KIFC3: variants seen among roughly 807,000 people sequenced by gnomAD.
KIFC3 encodes the protein kinesin-like protein KIFC3.
In KIFC3, 60 loss-of-function variants were observed where a neutral mutation model predicts 101.8. The ratio of observed to expected loss-of-function variants is 0.59; its 90% CI spans 0.48 to 0.73. The LOEUF (loss-of-function observed/expected upper bound fraction) is 0.73, where lower values mean the gene tolerates loss of function less well. Among genes scored for constraint, KIFC3 ranks in the 30% least tolerant of loss-of-function variants. The pLI, the probability that KIFC3 is intolerant of heterozygous loss-of-function variation, is 0.00. For missense variants in KIFC3, 966 were observed against 1,137.1 expected (o/e 0.85, Z 2.16); for synonymous variants, 476 against 482.7 (o/e 0.99, Z 0.18).
At chr16:57,804,792 A>G (rs1427804850), upstream of KIFC3, among the ~76,000 whole-genome samples, 1 of 150,886 alleles carries the variant, frequency 6.6e-6, no homozygotes, top group Non-Finnish European at 1.5e-5. Flanking sequence ...GGGGTGTCTC[A>G]CTATGTTGCC....
intron 1 of KIFC3, among the ~76,000 whole-genome samples, chr16:57,812,378 C>A (rs911038854): frequency 1.8e-4 from 27 of 151,570 alleles, no homozygotes; most frequent in Admixed American, 8.6e-4. Flanking sequence ...GAGGTCAGGC[C>A]AGAGCTGCCT....
In KIFC3 at chr16:57,765,774, G is replaced by A. The variant is rs932723908; in HGVS notation, c.1331-134C>T. 2.3e-5 allele frequency: 17 copies of A among 736,358 alleles called. No individual in the cohort carries two copies. The South Asian group carries it at 3.2e-4, about 14-fold the overall frequency. 45.6% of individuals were successfully genotyped at this position (736,358 alleles called of 1,614,324 possible). On this transcript the variant is annotated intron_variant, in intron 10 of 19. Transcript: ENST00000445690. ...TTTAAGCACAGCCCCCTAGGGGAAG[G>A]GGGCCCACAAAGCTGTTATCCGTCA...
intron 19 of KIFC3, 45 bp from the exon 20 acceptor site, chr16:57,758,954 G>A (rs202202509): frequency 8.2e-5 from 127 of 1,544,342 alleles, no homozygotes; most frequent in Non-Finnish European, 6.6e-5. Flanking sequence ...CTTGCCCACC[G>A]GCAGCCCACA....
chr16:57,802,646 C>T (rs2054817520), upstream of KIFC3: 2 of 1,048,814 alleles, frequency 1.9e-6, no homozygotes, highest in African/African-American at 1.6e-5. This position sits in a 1 kb window ranked among gnomAD's most constrained non-coding sequence, Gnocchi z 5.0. Flanking sequence ...GGTCTCCCGC[C>T]GGCACTCCCA....
At position 57,759,713 on chromosome 16, in the gene KIFC3, C is replaced by A; in HGVS notation, c.2476+15G>T. The A allele has an allele frequency of 6.3e-7, 1 of 1,593,920 alleles. No homozygotes were observed. The highest frequency in any genetic ancestry group is 1.1e-5 in the South Asian group (1 of 88,618). The stretch of plus-strand genomic sequence containing the variant: ...CTGGGGAGACTCCCCACCCACACTG[C>A]CACTCCAGGCTCACCCGAGGGCTGC... On this transcript the variant is annotated intron_variant, in intron 18 of 19. Coordinates refer to ENST00000445690, the MANE Select transcript of KIFC3 (RefSeq NM_001130100.2).
intron 1 of KIFC3, among the ~76,000 whole-genome samples, chr16:57,860,096 A>ATAAAATAAAATAAAATAAAAT (rs2056272612): frequency 6.6e-6 from 1 of 150,470 alleles, no homozygotes; most frequent in Non-Finnish European, 1.5e-5. Flanking sequence ...ATAAAATAAA[A>ATAAAATAAAATAAAATAAAAT]ACAAGTGGGG....
rs185259025 is a variant in KIFC3 at position 57,789,905 on chromosome 16, T to A, written c.315+5094A>T. ...ATGTGCGCCATCACACCTGGCTAAT[T>A]TTTGTATTTTTAATAGAGACAGGGT... On this transcript the variant is annotated intron_variant, in intron 3 of 19. Coordinates refer to ENST00000445690, the MANE Select transcript of KIFC3 (RefSeq NM_001130100.2). 2.7e-3 allele frequency among the ~76,000 whole-genome samples: 411 copies of A among 151,582 alleles called. 7 individuals are homozygous for A. The highest frequency in any genetic ancestry group is 6.3e-4 in the Non-Finnish European group (43 of 67,884).
At position 57,771,333 on chromosome 16, in the gene KIFC3, G is replaced by C; in HGVS notation, c.630C>G (p.Asp210Glu). The C allele has an allele frequency of 6.2e-7, 1 of 1,613,780 alleles. No homozygotes were observed. The highest frequency in any genetic ancestry group is 8.5e-7 in the Non-Finnish European group (1 of 1,180,048). ...GTCGCAGCTCCACCTCAGCCAGCCG[G>C]TCGGTCTTCTGCTGCACCTCTAGGT... ...ELNLEVQQKT[D>E]RLAEVELRLK... Residue 210 changes from aspartate to glutamate, a missense_variant, in exon 6 of 20, where the codon GAC becomes GAG. By Grantham distance (45) the Asp-to-Glu change is conservative. Coordinates refer to ENST00000445690, the MANE Select transcript of KIFC3 (RefSeq NM_001130100.2).
Position 57,802,147 on chromosome 16 carries a change from C to T in KIFC3, c.-40+223G>A, listed in dbSNP as rs2054768164. Among the ~76,000 whole-genome samples the T allele has an allele frequency of 6.6e-6, 1 of 152,256 alleles. No homozygotes were observed. Among genetic ancestry groups the T allele is most frequent in the South Asian group, 2.1e-4 (1 of 4,838 alleles). On this transcript the variant is annotated intron_variant, in intron 1 of 19. Transcript: ENST00000445690. The surrounding 1 kb of genome is among the most constrained non-coding windows in gnomAD (Gnocchi z 5.0). ...TGCTCGGATCCCGTGGGACACGCCG[C>T]CCCTGTGCCCAGCTCCCAGCAAGGT...
chr16:57,816,294 A>C (rs111880162), intron 1 of KIFC3: 3 of 1,252,970 alleles, frequency 2.4e-6, no homozygotes, highest in East Asian at 1.1e-4. Context: ...AGCCTGAGGA[A>C]GTAAGGAAGT....
chr16:57,853,792 C>T (rs1224432226), intron 1 of KIFC3, among the ~76,000 whole-genome samples: 10 of 152,078 alleles, frequency 6.6e-5, no homozygotes, highest in African/African-American at 9.7e-5. Flanking sequence ...CCACCATACC[C>T]GGATAATTTT....
intron 1 of KIFC3, among the ~76,000 whole-genome samples, chr16:57,827,681 G>A (rs1041990086): frequency 6.6e-6 from 1 of 152,146 alleles, no homozygotes; most frequent in African/African-American, 2.4e-5. Context: ...GCCATGGATG[G>A]TCACAAATTT....
At chr16:57,846,377 G>A (rs1178973159) in intron 1 of KIFC3, 2 of 152,436 alleles carry the variant, frequency 1.3e-5, no homozygotes, top group East Asian at 3.9e-4. Context: ...CTCCAACCTG[G>A]ACACAGGGCT....
At chr16:57,825,202 C>T (rs782046611) in intron 1 of KIFC3, among the ~76,000 whole-genome samples, 2 of 152,206 alleles carry the variant, frequency 1.3e-5, no homozygotes, top group Non-Finnish European at 2.9e-5. Context: ...TGCTGAGCAG[C>T]GAGTCCCACA....
chr16:57,761,768 AC>A (rs1460003971), intron 13 of KIFC3, among the ~76,000 whole-genome samples: 1 of 151,790 alleles, frequency 6.6e-6, no homozygotes, highest in Non-Finnish European at 1.5e-5. Flanking sequence ...GCCCACTCTC[AC>A]CCATGGCCAC....
intron 3 of KIFC3, among the ~76,000 whole-genome samples, chr16:57,772,981 C>A (rs1236709291): frequency 2.0e-5 from 3 of 152,176 alleles, no homozygotes; most frequent in Admixed American, 6.5e-5. Flanking sequence ...GGTGCCAGTC[C>A]CATGAGGGCA....
chr16:57,826,615 T>G (rs2149286430), intron 1 of KIFC3, among the ~76,000 whole-genome samples: 1 of 152,334 alleles, frequency 6.6e-6, no homozygotes, highest in Middle Eastern at 3.4e-3. Flanking sequence ...TTGCATTCAG[T>G]TACTAGAGGG....
chr16:57,774,731 T>C (rs1742986629), intron 3 of KIFC3: 2 of 511,020 alleles, frequency 3.9e-6, no homozygotes, highest in African/African-American at 4.0e-5. Flanking sequence ...CTTGCCATTT[T>C]GCCCAAGCTG....
chr16:57,789,839 C>T (rs1014524914), intron 3 of KIFC3, among the ~76,000 whole-genome samples: 1 of 151,956 alleles, frequency 6.6e-6, no homozygotes, highest in Non-Finnish European at 1.5e-5. Context: ...CAGGTTCAAG[C>T]GATTCTCCTG....
Sources: allele counts gnomAD v4.1 joint callset (sites outside exome capture counted in the v4.1 genomes callset), GRCh38; gene constraint gnomAD v4.1.1; non-coding constraint Gnocchi (gnomAD v3.1); transcripts MANE v1.5; gene names NCBI Gene and HGNC (gene_info 2026-07-23, HGNC 2026-07-21).